Variants in SYT16 observed in about 807,000 individuals in gnomAD.
SYT16 encodes the protein synaptotagmin-16.
A neutral mutation model predicts 61.4 loss-of-function variants in SYT16; 42 were observed. That is an observed-to-expected ratio of 0.68 (90% CI 0.53 to 0.89). The LOEUF (loss-of-function observed/expected upper bound fraction) is 0.89, where lower values mean the gene tolerates loss of function less well. SYT16 is among the 40% of genes least tolerant of loss of function. The pLI is 0.00. For synonymous variants in SYT16, 314 were observed against 302.3 expected, an observed-to-expected ratio of 1.04 and a Z score of -0.40; for missense variants, 804 against 807.3, an observed-to-expected ratio of 1.00 and a Z score of 0.05.
rs766518887 is a variant in SYT16 at position 62,081,090 on chromosome 14, A to C, written c.1250A>C (p.Lys417Thr). ...QRGPNPVFRE[K>T]VTFAKLEPRD... ...GGGCCCAACCCCGTCTTCAGGGAGAAGGTCACCTTTGCCAAGCTGGAGCCC... is the reference window on the plus strand; with the variant it reads ...GGGCCCAACCCCGTCTTCAGGGAGACGGTCACCTTTGCCAAGCTGGAGCCC... The change falls in exon 6 of 8, where the codon AAG becomes ACG. Residue 417 changes from lysine to threonine, a missense_variant. By Grantham distance (78) the Lys-to-Thr change is moderately conservative. Transcript: ENST00000683842. 3.1e-6 allele frequency: 5 copies of C among 1,613,768 alleles called. No homozygotes were observed. In the South Asian group the frequency reaches 5.5e-5, roughly 18 times the overall value.
chr14:62,100,470 T>C lies in SYT16; in HGVS notation c.1701T>C (p.Gly567=). Residue 567 remains glycine, a synonymous_variant, in exon 8 of 8, where the codon GGT becomes GGC. Transcript: ENST00000683842. ...MSRCKTSIRR[G]QPNPVYKETF... Reference sequence around the variant, plus strand: ...GTTGCAAGACGTCCATTCGGCGTGGTCAGCCCAATCCTGTCTATAAGGAGA... The same window carrying C: ...GTTGCAAGACGTCCATTCGGCGTGGCCAGCCCAATCCTGTCTATAAGGAGA... 1.2e-6 allele frequency: 2 copies of C among 1,613,588 alleles called. No homozygotes were observed. The highest frequency in any genetic ancestry group is 1.1e-5 in the South Asian group (1 of 91,000).
chr14:61,814,802 A>T (rs974508100), intron 1 of SYT16, among the ~76,000 whole-genome samples: 24 of 152,200 alleles, frequency 1.6e-4, no homozygotes, highest in African/African-American at 5.3e-4. Flanking sequence ...ATGTGTCCCT[A>T]CTATCAAAAG....
At chr14:61,927,712 A>G (rs2049592476) in intron 1 of SYT16, among the ~76,000 whole-genome samples, 1 of 152,200 alleles carries the variant, frequency 6.6e-6, no homozygotes, top group South Asian at 2.1e-4. Flanking sequence ...CTCACACTCA[A>G]GTAAGCAGCT....
chr14:61,893,732 G>C (rs1042628631), intron 1 of SYT16, among the ~76,000 whole-genome samples: 4 of 152,116 alleles, frequency 2.6e-5, no homozygotes, highest in Non-Finnish European at 5.9e-5. Flanking sequence ...GAGCCAAAGG[G>C]AAGTTCAGTG....
At chr14:61,820,468 A>ATTT (rs2045577332) in intron 1 of SYT16, among the ~76,000 whole-genome samples, 1 of 47,154 alleles carries the variant, frequency 2.1e-5, no homozygotes, top group Non-Finnish European at 3.6e-5. Context: ...ACCTCTTCAG[A>ATTT]GTTTTTTTTT....
intron 1 of SYT16, among the ~76,000 whole-genome samples, chr14:61,967,615 C>T (rs1330354449): frequency 6.6e-6 from 1 of 152,088 alleles, no homozygotes; most frequent in Admixed American, 6.5e-5. Flanking sequence ...TCTCTCCATG[C>T]CTTCTTTTTT....
intron 3 of SYT16, among the ~76,000 whole-genome samples, chr14:62,052,315 C>T (rs1386266759): frequency 6.6e-6 from 1 of 152,068 alleles, no homozygotes; most frequent in African/African-American, 2.4e-5. Flanking sequence ...CCAATTATGG[C>T]TTTTTCTTTG....
At chr14:62,077,266 C>G (rs750522802) in intron 5 of SYT16, among the ~76,000 whole-genome samples, 6 of 152,202 alleles carry the variant, frequency 3.9e-5, no homozygotes, top group African/African-American at 7.2e-5. Context: ...TGGGTTTTGA[C>G]AATTTGACAC....
intron 1 of SYT16, 65 bp downstream of exon 1, chr14:61,812,875 T>C (rs1002292356): frequency 6.6e-6 from 1 of 152,208 alleles, no homozygotes; most frequent in Non-Finnish European, 1.5e-5. Flanking sequence ...GGTGGGAAGT[T>C]CGATTTCAGA....
rs17099437 is a variant in SYT16 at position 62,039,374 on chromosome 14, T to C, written c.524-30229T>C. Among the ~76,000 whole-genome samples the C allele has an allele frequency of 4.2e-3, 647 of 152,296 alleles. 3 individuals carry two copies. The highest frequency in any genetic ancestry group is 0.015 in the African/African-American group (619 of 41,566). ...GATATTTGGGGCTATGATATTCTTA[T>C]AGATTCATAAAGTATTCTAAGCTAA... is the stretch of plus-strand genomic sequence containing the variant. On this transcript the variant is annotated intron_variant, in intron 3 of 7. Transcript: ENST00000683842.
At chr14:62,078,130 G>GCT (rs1368534893) in intron 5 of SYT16, among the ~76,000 whole-genome samples, 81 of 129,918 alleles carry the variant, frequency 6.2e-4, no homozygotes, top group South Asian at 1.3e-3. Context: ...TCTCTCTAGT[G>GCT]CTCTCTCGCT....
intron 1 of SYT16, among the ~76,000 whole-genome samples, chr14:61,939,025 C>T (rs1283116051): frequency 6.6e-6 from 1 of 152,144 alleles, no homozygotes; most frequent in East Asian, 1.9e-4. Flanking sequence ...ATCCCAGCTA[C>T]TTGGGAGGCT....
At chr14:61,877,419 G>T (rs2047538648) in intron 1 of SYT16, among the ~76,000 whole-genome samples, 1 of 152,136 alleles carries the variant, frequency 6.6e-6, no homozygotes, top group Non-Finnish European at 1.5e-5. Context: ...ACCATGAATT[G>T]CAACCTTACC....
In SYT16 at chr14:61,870,736, CATCA is replaced by C. The variant is rs369520911; in HGVS notation, c.-325+57927_-325+57930del. On this transcript the variant is annotated intron_variant, in intron 1 of 7. Transcript: ENST00000683842. ...TCTACAATAACTAATCTGTTAATCT[CATCA>C]GTGTATTTTTCATCTCAGTTATTAT... 1.1e-4 allele frequency among the ~76,000 whole-genome samples: 16 copies of C among 152,246 alleles called. No homozygotes were observed. In the South Asian group the frequency reaches 3.1e-3, roughly 30 times the overall value.
At chr14:62,015,439 A>G (rs2053631888) in intron 3 of SYT16, among the ~76,000 whole-genome samples, 1 of 98,436 alleles carries the variant, frequency 1.0e-5, no homozygotes, top group African/African-American at 4.0e-5. Flanking sequence ...AGTTCTTAAC[A>G]TTTTTGACAG....
chr14:62,067,093 CGT>C (rs1463145042), intron 3 of SYT16, among the ~76,000 whole-genome samples: 1 of 148,272 alleles, frequency 6.7e-6, no homozygotes, highest in African/African-American at 2.5e-5. Context: ...CACAGGGAAC[CGT>C]GTGTGTGCAT....
intron 3 of SYT16, among the ~76,000 whole-genome samples, chr14:62,056,994 TG>T (rs1325699102): frequency 6.6e-6 from 1 of 152,026 alleles, no homozygotes; most frequent in Non-Finnish European, 1.5e-5. Context: ...TGAGCCGCGC[TG>T]GGGGGCACGG....
At chr14:62,083,317 A>G (rs1232866252) in intron 6 of SYT16, among the ~76,000 whole-genome samples, 1 of 152,210 alleles carries the variant, frequency 6.6e-6, no homozygotes, top group Non-Finnish European at 1.5e-5. Context: ...AGTCAAGTCT[A>G]ATGCCCTTGT....
intron 1 of SYT16, among the ~76,000 whole-genome samples, chr14:61,851,493 T>C (rs112736264): frequency 4.6e-5 from 7 of 152,320 alleles, no homozygotes; most frequent in African/African-American, 1.4e-4. Context: ...CACACTGTCT[T>C]CCACAATGGT....
Sources: gnomAD v4.1 joint callset for allele counts (sites outside exome capture counted in the v4.1 genomes callset) on GRCh38, gnomAD v4.1.1 for gene constraint, MANE v1.5 for transcripts, NCBI Gene and HGNC (gene_info 2026-07-23, HGNC 2026-07-21) for gene names.